The following SFT2D1 variants were observed in gnomAD, a reference collection of about 807,000 sequenced individuals.
SFT2D1 encodes SFT2 domain containing 1.
SFT2D1 carries 24 observed loss-of-function variants against 28.1 expected under a neutral mutation model. The ratio of observed to expected loss-of-function variants is 0.85; its 90% CI spans 0.62 to 1.20. The LOEUF (loss-of-function observed/expected upper bound fraction) is 1.20. Ranked by LOEUF, SFT2D1 falls within the 50% of genes most tolerant of loss-of-function variation. The probability of loss-of-function intolerance (pLI) is 0.00; values close to 1 mark genes in which losing one functional copy is unlikely to be tolerated. For missense variants in SFT2D1, 181 were observed against 190.9 expected (o/e 0.95, Z 0.31); for synonymous variants, 82 against 73.7 (o/e 1.11, Z -0.58).
intron 1 of SFT2D1, chr6:166,334,748 C>A (rs1462651003): frequency 2.8e-6 from 1 of 361,294 alleles, no homozygotes; most frequent in Non-Finnish European, 5.4e-6. Flanking sequence ...ACCAAGCACT[C>A]TGGGGCTTTG....
chr6:166,320,565 CCTTTT>C (rs1044004607), intron 7 of SFT2D1, among the ~76,000 whole-genome samples: 67 of 145,200 alleles, frequency 4.6e-4, no homozygotes, highest in African/African-American at 1.6e-3. Flanking sequence ...CTTTTTTTTT[CCTTTT>C]GAGACAGGTT....
At chr6:166,331,596 A>G (rs1778552850) in intron 1 of SFT2D1, among the ~76,000 whole-genome samples, 1 of 152,248 alleles carries the variant, frequency 6.6e-6, no homozygotes, top group Non-Finnish European at 1.5e-5. Flanking sequence ...AAAAACATCT[A>G]CATTTCATTC....
intron 7 of SFT2D1, among the ~76,000 whole-genome samples, chr6:166,320,585 C>T (rs2114885913): frequency 6.6e-6 from 1 of 152,024 alleles, no homozygotes; most frequent in South Asian, 2.1e-4. Flanking sequence ...CAGGTTCTCA[C>T]TCTGTCTTCC....
chr6:166,320,319 A>C, intron 7 of SFT2D1, 63 bp from the exon 8 acceptor site: 2 of 1,369,190 alleles, frequency 1.5e-6, no homozygotes, highest in Non-Finnish European at 2.0e-6. Context: ...GTTGCGCAAA[A>C]TGTTCCTGCT....
intron 1 of SFT2D1, among the ~76,000 whole-genome samples, chr6:166,338,077 C>T (rs1356725624): frequency 3.9e-5 from 6 of 152,118 alleles, no homozygotes; most frequent in East Asian, 3.8e-4. Context: ...CCTCAAAACC[C>T]GTAAGAAATA....
chr6:166,333,853 A>G (rs1778596483), intron 1 of SFT2D1, among the ~76,000 whole-genome samples: 1 of 152,044 alleles, frequency 6.6e-6, no homozygotes, highest in Non-Finnish European at 1.5e-5. Context: ...TACTTCACAC[A>G]CAGAAACCCA....
chr6:166,338,636 A>G (rs1329334777), intron 1 of SFT2D1, among the ~76,000 whole-genome samples: 1 of 151,836 alleles, frequency 6.6e-6, no homozygotes, highest in Non-Finnish European at 1.5e-5. Context: ...GCTCCAACTG[A>G]GGAGGAGAAA....
At chr6:166,342,339 C>T (rs936689246) in intron 1 of SFT2D1, 80 bp downstream of exon 1, 15 of 1,374,360 alleles carry the variant, frequency 1.1e-5, no homozygotes, top group Non-Finnish European at 1.5e-5. Context: ...CTCGCACCCA[C>T]CCCACCCGCT....
At position 166,320,223 on chromosome 6, in the gene SFT2D1, T is replaced by C; in HGVS notation, c.474A>G (p.Leu158=). 6.2e-7 allele frequency: 1 copy of C among 1,612,108 alleles called. No homozygotes were observed. Among genetic ancestry groups the C allele is most frequent in the Non-Finnish European group, 8.5e-7 (1 of 1,179,314 alleles). The part of the protein sequence containing the change: ...DAVIKCCSSL[L]S The stretch of plus-strand genomic sequence containing the variant: ...TTCCACAAGTTTCTGATTTTCAACT[T>C]AGGAGAGAAGAACAGCATTTAATAA... Residue 158 remains leucine (L), a synonymous_variant, in exon 8 of 8, where the codon CTA becomes CTG. Transcript: ENST00000361731.
chr6:166,341,584 A>C (rs1488215046), intron 1 of SFT2D1, among the ~76,000 whole-genome samples: 1 of 152,174 alleles, frequency 6.6e-6, no homozygotes, highest in East Asian at 1.9e-4. Flanking sequence ...ACCCACACCA[A>C]GTGCTGAGTA....
chr6:166,326,214 A>G (rs777223494), intron 4 of SFT2D1, 47 bp from the exon 5 acceptor site: 1 of 1,544,538 alleles, frequency 6.5e-7, no homozygotes. Context: ...TCCTTTCAAA[A>G]GCCTAATAAA....
chr6:166,330,193 A>C lies in SFT2D1; in HGVS notation c.118T>G (p.Cys40Gly), dbSNP rs2114901410. 1 of 1,606,466 alleles carries C rather than the reference A, an allele frequency of 6.2e-7. No homozygotes were observed. Among genetic ancestry groups the C allele is most frequent in the Middle Eastern group, 1.7e-4 (1 of 6,032 alleles). Reference sequence around the variant, plus strand: ...GAAAAGAAAACGCCACATACGAAGCAGATGGCAAACCATTTCAATCTGGTG... The same window carrying C: ...GAAAAGAAAACGCCACATACGAAGCCGATGGCAAACCATTTCAATCTGGTG... ...FNTRLKWFAI[C>G]FVCGVFFSIL... Residue 40 changes from cysteine to glycine, a missense_variant, in exon 2 of 8, where the codon TGC becomes GGC. Coordinates refer to ENST00000361731, the MANE Select transcript of SFT2D1 (RefSeq NM_145169.3).
At chr6:166,331,057 T>C (rs1283920323) in intron 1 of SFT2D1, among the ~76,000 whole-genome samples, 2 of 152,190 alleles carry the variant, frequency 1.3e-5, no homozygotes, top group Non-Finnish European at 2.9e-5. Context: ...AGCCAAATTA[T>C]GTGGGGAAAA....
chr6:166,320,126 G>A lies in SFT2D1; in HGVS notation c.*91C>T, dbSNP rs1158915364. ...AAAACGGTCTTCAACTGTCACGTCA[G>A]TTGTTCCTGGAGTGTTTTATGGGGA... is the stretch of plus-strand genomic sequence containing the variant. On this transcript the variant is annotated 3_prime_UTR_variant, in exon 8 of 8. Transcript: ENST00000361731. 8.2e-7 allele frequency: 1 copy of A among 1,213,128 alleles called. No individual in the cohort carries two copies. Among genetic ancestry groups the A allele is most frequent in the East Asian group, 2.4e-5 (1 of 41,994 alleles). 75.1% of individuals were successfully genotyped at this position (1,213,128 alleles called of 1,614,324 possible).
chr6:166,321,098 G>A (rs1473834944), intron 7 of SFT2D1, among the ~76,000 whole-genome samples: 1 of 150,964 alleles, frequency 6.6e-6, no homozygotes, highest in Non-Finnish European at 1.5e-5. Flanking sequence ...GTGACAAAAT[G>A]AGACTCCATC....
chr6:166,321,028 T>C (rs1404410822), intron 7 of SFT2D1, among the ~76,000 whole-genome samples: 1 of 152,042 alleles, frequency 6.6e-6, no homozygotes, highest in African/African-American at 2.4e-5. Context: ...GGAGAAACTC[T>C]TGAACTTGGG....
At chr6:166,333,112 T>C (rs1225087836) in intron 1 of SFT2D1, among the ~76,000 whole-genome samples, 1 of 152,160 alleles carries the variant, frequency 6.6e-6, no homozygotes, top group African/African-American at 2.4e-5. Context: ...TTTTTCAAAA[T>C]AGCAGTGGGT....
At chr6:166,321,297 T>C (rs76702159) in intron 7 of SFT2D1, among the ~76,000 whole-genome samples, 5,859 of 152,306 alleles carry the variant, frequency 0.038, 364 homozygotes, top group African/African-American at 0.13. Flanking sequence ...AAAATTCTTA[T>C]AGGCAAAATC....
intron 4 of SFT2D1, among the ~76,000 whole-genome samples, chr6:166,326,548 G>C (rs1003605095): frequency 6.6e-6 from 1 of 152,152 alleles, no homozygotes; most frequent in Admixed American, 6.5e-5. Context: ...CAGTGGACTC[G>C]TCTAAACCTG....
Sources: allele counts gnomAD v4.1 joint callset (sites outside exome capture counted in the v4.1 genomes callset), GRCh38; gene constraint gnomAD v4.1.1; transcripts MANE v1.5; gene names NCBI Gene and HGNC (gene_info 2026-07-23, HGNC 2026-07-21).